The following TOM1L1 variants were observed in gnomAD, a reference collection of about 807,000 sequenced individuals.
The protein encoded by TOM1L1 is target of myb1 like 1 membrane trafficking protein.
Under a neutral mutation model 63.4 loss-of-function variants are expected in TOM1L1, and 64 were observed. That is an observed-to-expected ratio of 1.01 (90% CI 0.83 to 1.24). The LOEUF is 1.24. TOM1L1 is among the 50% of genes most tolerant of loss of function. The probability of loss-of-function intolerance (pLI) is 0.00; values close to 1 mark genes in which losing one functional copy is unlikely to be tolerated. For missense variants in TOM1L1, 536 were observed against 567.0 expected, an observed-to-expected ratio of 0.95 and a Z score of 0.55; for synonymous variants, 166 against 194.4, an observed-to-expected ratio of 0.85 and a Z score of 1.22.
intron 14 of TOM1L1, chr17:54,956,822 T>C (rs1202766057): frequency 6.6e-6 from 1 of 151,580 alleles, no homozygotes; most frequent in Non-Finnish European, 1.5e-5. Context: ...AGCAGGAAAG[T>C]GACAGGAGGG....
At chr17:54,910,301 C>T (rs765286320) in intron 3 of TOM1L1, among the ~76,000 whole-genome samples, 2 of 152,034 alleles carry the variant, frequency 1.3e-5, no homozygotes, top group African/African-American at 4.8e-5. Flanking sequence ...ACTAAAAATA[C>T]AAAAATTAGC....
chr17:54,951,894 G>A (rs555820651), intron 14 of TOM1L1: 3 of 152,274 alleles, frequency 2.0e-5, no homozygotes, highest in Admixed American at 2.0e-4. Context: ...TCTCCACAAG[G>A]ACACAGGTTT....
chr17:54,948,353 A>T (rs921443316), intron 12 of TOM1L1, among the ~76,000 whole-genome samples: 2 of 151,986 alleles, frequency 1.3e-5, no homozygotes, highest in Non-Finnish European at 2.9e-5. Context: ...TCCTCACTCC[A>T]TTTTACTCAG....
At chr17:54,947,416 T>G in intron 12 of TOM1L1, 104 bp downstream of exon 12, 1 of 1,295,764 alleles carries the variant, frequency 7.7e-7, no homozygotes, top group Non-Finnish European at 1.1e-6. Context: ...CAGTATTGTG[T>G]TGATGCGCAG....
At position 54,961,271 on chromosome 17, in the gene TOM1L1, G is replaced by A. The variant is rs766406891; in HGVS notation, c.*38G>A. ...TGATCAGCTCACTACCACATCAAAG[G>A]TGCCAACTCTCTAAAACGTAGACTC... is the stretch of plus-strand genomic sequence containing the variant. On this transcript the variant is annotated 3_prime_UTR_variant, in exon 16 of 16. Coordinates refer to ENST00000575882, the MANE Select transcript of TOM1L1 (RefSeq NM_005486.3). 1.3e-5 allele frequency: 20 copies of A among 1,551,178 alleles called. No individual in the cohort carries two copies. Among genetic ancestry groups the A allele is most frequent in the Non-Finnish European group, 1.5e-5 (17 of 1,146,742 alleles).
chr17:54,960,724 ATCTGAG>A (rs2077099824), intron 15 of TOM1L1, 97 bp downstream of exon 15: 1 of 891,958 alleles, frequency 1.1e-6, no homozygotes, highest in African/African-American at 1.7e-5. Context: ...TCTAAGGGCC[ATCTGAG>A]TCTGACACTT....
intron 7 of TOM1L1, among the ~76,000 whole-genome samples, chr17:54,925,131 A>G (rs2048746897): frequency 6.6e-6 from 1 of 152,240 alleles, no homozygotes; most frequent in Admixed American, 6.5e-5. Flanking sequence ...AGCTTAATCA[A>G]AATACTGTTT....
chr17:54,915,682 G>A (rs2048575180), intron 6 of TOM1L1, 64 bp from the exon 7 acceptor site: 1 of 1,128,604 alleles, frequency 8.9e-7, no homozygotes, highest in Admixed American at 2.7e-5. Context: ...TCCCATGGGG[G>A]CAGGAAACAA....
intron 1 of TOM1L1, chr17:54,901,175 C>T (rs1301248049): frequency 1.7e-6 from 1 of 575,648 alleles, no homozygotes; most frequent in Admixed American, 3.0e-5. Context: ...GGAGTGGAAC[C>T]AAACAGGTGA....
intron 7 of TOM1L1, among the ~76,000 whole-genome samples, chr17:54,928,391 C>A (rs898551823): frequency 2.6e-5 from 4 of 151,624 alleles, no homozygotes; most frequent in Non-Finnish European, 5.9e-5. Flanking sequence ...ACAACAACAA[C>A]AAAAAAACCT....
intron 10 of TOM1L1, 136 bp from the exon 11 acceptor site, chr17:54,938,784 AAATT>A (rs748310691): frequency 7.6e-6 from 4 of 524,162 alleles, no homozygotes; most frequent in Non-Finnish European, 1.3e-5. Context: ...AGAAATATCT[AAATT>A]AATCTCTTTT....
At chr17:54,920,281 C>T (rs926907145) in intron 7 of TOM1L1, among the ~76,000 whole-genome samples, 1 of 152,092 alleles carries the variant, frequency 6.6e-6, no homozygotes, top group Admixed American at 6.6e-5. Flanking sequence ...AGGAGTACAA[C>T]TGTAAAGAAG....
At chr17:54,914,152 T>C (rs1378953510) in intron 5 of TOM1L1, among the ~76,000 whole-genome samples, 1 of 152,166 alleles carries the variant, frequency 6.6e-6, no homozygotes, top group African/African-American at 2.4e-5. Context: ...TGCACATTAA[T>C]GTTGAGAAGC....
intron 8 of TOM1L1, among the ~76,000 whole-genome samples, chr17:54,935,084 C>T (rs529329923): frequency 2.0e-4 from 31 of 152,242 alleles, no homozygotes; most frequent in African/African-American, 7.2e-4. Context: ...GATTCTGTCA[C>T]GCGTGAAGAG....
intron 11 of TOM1L1, among the ~76,000 whole-genome samples, chr17:54,945,673 G>GT (rs34341249): frequency 0.29 from 42,569 of 148,900 alleles, 6,287 homozygotes; most frequent in African/African-American, 0.34. Context: ...ATTCTGTTAA[G>GT]TTTTTTTTTT....
Position 54,913,625 on chromosome 17 carries a change from C to CA in TOM1L1, c.373-122dup, listed in dbSNP as rs2048532072. The CA allele has an allele frequency of 4.9e-6, 5 of 1,017,714 alleles. No individual in the cohort carries two copies. The East Asian group carries it at 1.6e-4, about 33-fold the overall frequency. 63.0% of individuals were successfully genotyped at this position (1,017,714 alleles called of 1,614,324 possible). A position where few individuals can be genotyped will look rare whatever the true frequency, so the allele number is the denominator to read the frequency against. On this transcript the variant is annotated intron_variant, in intron 4 of 15. Transcript: ENST00000575882. ...AGATTGCAATGAGCAGAGATTGTGC[C>CA]ATTGCACTCCAGCCCGGGCAATAGT...
intron 14 of TOM1L1, chr17:54,954,997 G>A (rs974625629): frequency 1.3e-5 from 2 of 152,216 alleles, no homozygotes; most frequent in Non-Finnish European, 1.5e-5. Flanking sequence ...TTGGTCATGG[G>A]TGGATATGCA....
intron 7 of TOM1L1, among the ~76,000 whole-genome samples, chr17:54,923,718 G>A (rs938939398): frequency 1.3e-5 from 2 of 151,182 alleles, no homozygotes; most frequent in African/African-American, 2.4e-5. Context: ...GCTAATTTTT[G>A]TATTTTTAGT....
chr17:54,918,135 C>T (rs1232634354), intron 7 of TOM1L1, among the ~76,000 whole-genome samples: 1 of 152,192 alleles, frequency 6.6e-6, no homozygotes, highest in Non-Finnish European at 1.5e-5. Context: ...CTAGGCAGTA[C>T]TCACTGTGGG....
Sources: gnomAD v4.1 joint callset for allele counts (sites outside exome capture counted in the v4.1 genomes callset) on GRCh38, gnomAD v4.1.1 for gene constraint, MANE v1.5 for transcripts, NCBI Gene and HGNC (gene_info 2026-07-23, HGNC 2026-07-21) for gene names.